KDM6B: variants seen among roughly 807,000 people sequenced by gnomAD.
The protein encoded by KDM6B is lysine demethylase 6B, also known as lysine-specific demethylase 6B.
In KDM6B, 22 loss-of-function variants were observed where a neutral mutation model predicts 150.4. The observed-to-expected ratio is 0.15, with a 90% CI of 0.10 to 0.21. The LOEUF is 0.21. Ranked by LOEUF, KDM6B falls within the 10% of genes least tolerant of loss-of-function variation. The probability of loss-of-function intolerance (pLI) is 1.00; values close to 1 mark genes in which losing one functional copy is unlikely to be tolerated. For synonymous variants in KDM6B, 1,148 were observed against 921.1 expected (o/e 1.25, Z -4.46); for missense variants, 1,984 against 2,234.3 (o/e 0.89, Z 2.26).
At chr17:7,852,454 G>A in intron 20 of KDM6B, 41 bp from the exon 21 acceptor site, 2 of 1,592,436 alleles carry the variant, frequency 1.3e-6, no homozygotes, top group Non-Finnish European at 1.7e-6. Context: ...GGTGTCTGGG[G>A]GCTGTTTGAG....
At position 7,851,386 on chromosome 17, in the gene KDM6B, C is replaced by T. The variant is rs369946787; in HGVS notation, c.3936C>T (p.Thr1312=). The change falls in exon 16 of 24, where the codon ACC becomes ACT. Residue 1312 remains threonine (T), a synonymous_variant. Coordinates refer to ENST00000448097, the MANE Select transcript of KDM6B (RefSeq NM_001348716.2). ...ESEEPDSTTG[T]PPSSAPDPKN... ...AGGAGCCAGACAGCACCACTGGAAC[C>T]CCTCCTAGGTACTGTGCAGGTGTGC... 160 of 1,614,118 alleles carry T rather than the reference C, an allele frequency of 9.9e-5. No individual in the cohort carries two copies. In the South Asian group the frequency reaches 1.5e-3, roughly 16 times the overall value.
chr17:7,835,909 C>G (rs1430217620), intron 1 of KDM6B, among the ~76,000 whole-genome samples: 1 of 152,212 alleles, frequency 6.6e-6, no homozygotes, highest in Non-Finnish European at 1.5e-5. Flanking sequence ...TTTCGCCGGT[C>G]GCGACCATAA....
In KDM6B at chr17:7,843,424, C is replaced by T. The variant is rs1239018603; in HGVS notation, c.-268-1477C>T. Among the ~76,000 whole-genome samples, 1 of 152,216 alleles carries T rather than the reference C, an allele frequency of 6.6e-6. No individual in the cohort carries two copies. Among genetic ancestry groups the T allele is most frequent in the Non-Finnish European group, 1.5e-5 (1 of 68,034 alleles). The stretch of plus-strand genomic sequence containing the variant: ...AACCGCGGAGAGGGTCCGCGGGGCC[C>T]AAGCGACCACAAGGGCTTGGCGGAG... On this transcript the variant is annotated intron_variant, in intron 2 of 23. Coordinates refer to ENST00000448097, the MANE Select transcript of KDM6B (RefSeq NM_001348716.2). The surrounding 1 kb of genome is among the most constrained non-coding windows in gnomAD (Gnocchi z 4.5).
At chr17:7,850,253 C>T (rs1235041614) in intron 14 of KDM6B, 76 bp downstream of exon 14, 2 of 1,194,644 alleles carry the variant, frequency 1.7e-6, no homozygotes, top group Admixed American at 3.9e-5. Flanking sequence ...AGAAATCCCA[C>T]ACTTGAAGAC....
chr17:7,847,488 G>T (rs1473849915), intron 11 of KDM6B, 36 bp downstream of exon 11: 1 of 1,613,360 alleles, frequency 6.2e-7, no homozygotes, highest in Non-Finnish European at 8.5e-7. Context: ...GGGGATGGGT[G>T]GAGCTTGTCT....
rs1217295679 is a variant in KDM6B at position 7,847,564 on chromosome 17, C to G, written c.1276C>G (p.Gln426Glu). 1 of 1,613,366 alleles carries G rather than the reference C, an allele frequency of 6.2e-7. No individual in the cohort carries two copies. Among genetic ancestry groups the G allele is most frequent in the Non-Finnish European group, 8.5e-7 (1 of 1,179,950 alleles). ...NPGIPGADHY[Q>E]TPALEVSHHG... is the part of the protein sequence containing the mutation. ...CTTGCAGCCCGGCGCTGACCATTAC[C>G]AAACTCCCGCGCTGGAGGTCTCTCA... The change falls in exon 12 of 24, where the codon CAA (glutamine) becomes GAA (glutamate). Residue 426 changes from glutamine to glutamate, a missense_variant. Transcript: ENST00000448097.
chr17:7,850,051 GCT>G lies in KDM6B; in HGVS notation c.3568-17_3568-16del. 1 of 1,613,608 alleles carries G rather than the reference GCT, an allele frequency of 6.2e-7. No homozygotes were observed. Among genetic ancestry groups the G allele is most frequent in the Non-Finnish European group, 8.5e-7 (1 of 1,179,846 alleles). On this transcript the variant is annotated intron_variant, in intron 13 of 23. Transcript: ENST00000448097. ...AGCCTGGGCCAGGGCTCTGACCCCA[GCT>G]CTCCTGGTCATGTCTCAGCTGGAGA...
In KDM6B at chr17:7,849,872, G is replaced by C. The variant is rs1274959174; in HGVS notation, c.3492G>C (p.Gln1164His). Residue 1164 changes from glutamine to histidine, a missense_variant, in exon 13 of 24, where the codon CAG becomes CAC. By Grantham distance (24) the Gln-to-His change is conservative (BLOSUM62 0). Transcript: ENST00000448097. ...KFRESYLSPA[Q>H]SVKPKINTEE... ...GAGAGTCCTACCTTTCCCCTGCCCAGTCTGTGAAACCGAAGATCAACACTG... is the reference window on the plus strand; with the variant it reads ...GAGAGTCCTACCTTTCCCCTGCCCACTCTGTGAAACCGAAGATCAACACTG... 8 of 1,612,894 alleles carry C rather than the reference G, an allele frequency of 5.0e-6. No individual in the cohort carries two copies. The highest frequency in any genetic ancestry group is 6.8e-6 in the Non-Finnish European group (8 of 1,179,846).
At chr17:7,839,297 G>T (rs996552820) in intron 1 of KDM6B, among the ~76,000 whole-genome samples, 4 of 152,168 alleles carry the variant, frequency 2.6e-5, no homozygotes, top group Non-Finnish European at 5.9e-5. Flanking sequence ...TTGCCTTGGG[G>T]TTGGCAGGGA....
Position 7,851,695 on chromosome 17 carries a change from G to T in KDM6B, c.4064G>T (p.Arg1355Leu). ...CTGCTGAAGCTGCCCGCCTTCATGC[G>T]GGTAACATCCACGGGCAACATGCTG... ...QELLKLPAFM[R>L]VTSTGNMLSH... Residue 1355 changes from arginine to leucine, a missense_variant, in exon 18 of 24, where the codon CGG becomes CTG. Physicochemically the swap from Arg to Leu is moderately radical, Grantham distance 102. This residue lies in a region of KDM6B where 31 missense variants were observed against 120.3 expected (regional missense o/e 0.26). Transcript: ENST00000448097. 1 of 1,570,592 alleles carries T rather than the reference G, an allele frequency of 6.4e-7. No individual in the cohort carries two copies.
At position 7,848,982 on chromosome 17, in the gene KDM6B, G is replaced by T; in HGVS notation, c.2694G>T (p.Pro898=). The change falls in exon 12 of 24, where the codon CCG becomes CCT. Residue 898 remains proline, a synonymous_variant. Transcript: ENST00000448097. ...CGGGCCCCATGACCCCCACCCAACC[G>T]CCCCCACCCCTATCTCTGCCCCCTG... ...PVPGPMTPTQ[P]PPPLSLPPAR... 5.4e-6 allele frequency: 3 copies of T among 551,770 alleles called. No individual in the cohort carries two copies. Among genetic ancestry groups the T allele is most frequent in the Non-Finnish European group, 8.7e-6 (3 of 343,704 alleles). The allele number at this position is 551,770 out of a possible 1,614,324, so 34.2% of individuals were successfully genotyped here.
chr17:7,836,578 A>T (rs528389505), intron 1 of KDM6B, among the ~76,000 whole-genome samples: 1 of 152,250 alleles, frequency 6.6e-6, no homozygotes, highest in East Asian at 1.9e-4. Context: ...AGGAGAGAGA[A>T]GGCACAGTAT....
At position 7,846,683 on chromosome 17, in the gene KDM6B, A is replaced by C; in HGVS notation, c.654A>C (p.Ser218=). 6.2e-7 allele frequency: 1 copy of C among 1,614,114 alleles called. No individual in the cohort carries two copies. The highest frequency in any genetic ancestry group is 1.1e-5 in the South Asian group (1 of 91,090). The change falls in exon 9 of 24, where the codon TCA becomes TCC. Residue 218 remains serine (S), a synonymous_variant. Transcript: ENST00000448097. ...CTCCTGCAGCACTCTCAGGCCCCTCAGGGGAGGAGGGCCTCAGCCCTGGAG... is the reference window on the plus strand; with the variant it reads ...CTCCTGCAGCACTCTCAGGCCCCTCCGGGGAGGAGGGCCTCAGCCCTGGAG... ...PVPPAALSGP[S]GEEGLSPGGK... is the part of the protein sequence containing the mutation.
At chr17:7,845,847 T>C (rs1213312768) in intron 5 of KDM6B, 25 bp from the exon 6 acceptor site, 1 of 1,606,784 alleles carries the variant, frequency 6.2e-7, no homozygotes, top group Non-Finnish European at 8.5e-7. Context: ...TTTTGCCGTA[T>C]ATAACAGACT....
chr17:7,835,950 C>T (rs998446925), intron 1 of KDM6B, among the ~76,000 whole-genome samples: 2 of 152,256 alleles, frequency 1.3e-5, no homozygotes, highest in Non-Finnish European at 2.9e-5. Context: ...GGCCGACTAC[C>T]TGTTCCCCAC....
rs2078466150 is a variant in KDM6B, at chr17:7,843,724, C to A, written c.-268-1177C>A. Among the ~76,000 whole-genome samples, 1 of 152,084 alleles carries A rather than the reference C, an allele frequency of 6.6e-6. No individual in the cohort carries two copies. Among genetic ancestry groups the A allele is most frequent in the Non-Finnish European group, 1.5e-5 (1 of 67,988 alleles). On this transcript the variant is annotated intron_variant, in intron 2 of 23. Coordinates refer to ENST00000448097, the MANE Select transcript of KDM6B (RefSeq NM_001348716.2). The surrounding 1 kb of genome is among the most constrained non-coding windows in gnomAD (Gnocchi z 4.5). ...CTTTGTACTCGACACTCGCCTCTCG[C>A]TGCTCTTTGTACTCTAGACTCTCAA...
intron 7 of KDM6B, 29 bp from the exon 8 acceptor site, chr17:7,846,371 G>GGGGCGGGCCCGGGGGCCCCCCCCCCCCC: frequency 6.7e-7 from 1 of 1,488,918 alleles, no homozygotes; most frequent in Non-Finnish European, 9.2e-7. Context: ...CCTGACATCT[G>GGGGCGGGCCCGGGGGCCCCCCCCCCCCC]CCCCTGCCCC....
Position 7,846,425 on chromosome 17 carries a change from G to A in KDM6B, c.482G>A (p.Gly161Asp), listed in dbSNP as rs868074294. 1.2e-6 allele frequency: 2 copies of A among 1,607,260 alleles called. No homozygotes were observed. The highest frequency in any genetic ancestry group is 1.7e-6 in the Non-Finnish European group (2 of 1,177,096). The change falls in exon 8 of 24, where the codon GGC becomes GAC. Residue 161 changes from glycine to aspartate, a missense_variant. Gly to Asp is a moderately conservative substitution (Grantham distance 94). This residue lies in a region of KDM6B where 337 missense variants were observed against 323.9 expected (regional missense o/e 1.04). Transcript: ENST00000448097. Reference sequence around the variant, plus strand: ...GCCCAGCTCTGGAACTTTCATACTGGCTCCTGCCAGCACCGAGCCAAGGTC... The same window carrying A: ...GCCCAGCTCTGGAACTTTCATACTGACTCCTGCCAGCACCGAGCCAAGGTC... ...QQAQLWNFHT[G>D]SCQHRAKVLP...
At chr17:7,834,751 C>A (rs1236982600) in intron 1 of KDM6B, among the ~76,000 whole-genome samples, 1 of 152,088 alleles carries the variant, frequency 6.6e-6, no homozygotes, top group Non-Finnish European at 1.5e-5. Context: ...GGGTGTGTCC[C>A]GGTCCCAGGA....
Sources: allele counts gnomAD v4.1 joint callset (sites outside exome capture counted in the v4.1 genomes callset), GRCh38; gene constraint gnomAD v4.1.1; regional missense constraint gnomAD v4.1.1; non-coding constraint Gnocchi (gnomAD v3.1); transcripts MANE v1.5; gene names NCBI Gene and HGNC (gene_info 2026-07-23, HGNC 2026-07-21).